Variants in SLC66A1 observed in about 807,000 individuals in gnomAD.
The protein encoded by SLC66A1 is lysosomal amino acid transporter 1 homolog.
Under a neutral mutation model 33.0 loss-of-function variants are expected in SLC66A1, and 23 were observed. The observed-to-expected ratio is 0.70, with a 90% CI of 0.50 to 0.99. The LOEUF is 0.99. Among genes scored for constraint, SLC66A1 ranks in the 50% least tolerant of loss-of-function variants. The pLI is 0.00. For missense variants in SLC66A1, 335 were observed against 383.6 expected, an observed-to-expected ratio of 0.87 and a Z score of 1.06; for synonymous variants, 164 against 175.5, an observed-to-expected ratio of 0.93 and a Z score of 0.52.
chr1:19,325,626 A>C (rs773860489), intron 4 of SLC66A1, 44 bp downstream of exon 4: 106 of 921,028 alleles, frequency 1.2e-4, no homozygotes, highest in Non-Finnish European at 1.6e-4. Context: ...TACCAGCAGC[A>C]GGGGGCAGTT....
chr1:19,333,114 G>A (rs572166951), downstream of SLC66A1, among the ~76,000 whole-genome samples: 1 of 152,356 alleles, frequency 6.6e-6, no homozygotes, highest in South Asian at 2.1e-4. The surrounding 1 kb of genome is among the most constrained non-coding windows in gnomAD (Gnocchi z 4.2). Flanking sequence ...CTCCAGCAAA[G>A]CAGAAGGGAT....
At chr1:19,320,791 T>C (rs2093832904) in intron 2 of SLC66A1, among the ~76,000 whole-genome samples, 2 of 146,312 alleles carry the variant, frequency 1.4e-5, no homozygotes, top group Admixed American at 1.3e-4. Flanking sequence ...TGGCTCACTG[T>C]AACCTCTGCC....
rs1028019237 is a variant in SLC66A1, at chr1:19,328,352, G to A, written c.805-220G>A. The stretch of plus-strand genomic sequence containing the variant: ...GAAGGAGAAGTCAGTGCTAGGCTTG[G>A]AGACAGATGGAGCTTGGCTAGGGCT... On this transcript the variant is annotated intron_variant, in intron 7 of 7. Transcript: ENST00000375153. This position sits in a 1 kb window ranked among gnomAD's most constrained non-coding sequence, Gnocchi z 4.7. Among the ~76,000 whole-genome samples, 3 of 152,174 alleles carry A rather than the reference G, an allele frequency of 2.0e-5. No individual in the cohort carries two copies. Among genetic ancestry groups the A allele is most frequent in the Non-Finnish European group, 4.4e-5 (3 of 68,036 alleles).
intron 3 of SLC66A1, 22 bp from the exon 4 acceptor site, chr1:19,325,473 G>C: frequency 6.4e-7 from 1 of 1,555,584 alleles, no homozygotes. Context: ...GCCAACCCCT[G>C]GGCCCCCTGC....
At position 19,317,653 on chromosome 1, in the gene SLC66A1, G is replaced by A; in HGVS notation, c.-25G>A. 1 of 1,612,384 alleles carries A rather than the reference G, an allele frequency of 6.2e-7. No individual in the cohort carries two copies. Among genetic ancestry groups the A allele is most frequent in the Non-Finnish European group, 8.5e-7 (1 of 1,178,912 alleles). On this transcript the variant is annotated 5_prime_UTR_variant, in exon 2 of 8. Coordinates refer to ENST00000375153, the MANE Select transcript of SLC66A1 (RefSeq NM_001040125.2). ...CCCTCCCTCCGGTGCAGCCCTGCCT[G>A]GCCGGGGGCCCCTCCTCCACAGCCA... is the stretch of plus-strand genomic sequence containing the variant.
chr1:19,332,904 C>T (rs1374757076), downstream of SLC66A1, among the ~76,000 whole-genome samples: 1 of 152,190 alleles, frequency 6.6e-6, no homozygotes, highest in Non-Finnish European at 1.5e-5. Context: ...TTAGGACGCC[C>T]ACATGGAGCA....
chr1:19,330,015 C>T (rs993671240), downstream of SLC66A1, among the ~76,000 whole-genome samples: 1 of 152,102 alleles, frequency 6.6e-6, no homozygotes, highest in African/African-American at 2.4e-5. Context: ...TAGCCCAGGC[C>T]GGAGTACAGT....
chr1:19,333,496 C>T (rs1483942983), downstream of SLC66A1, among the ~76,000 whole-genome samples: 2 of 152,160 alleles, frequency 1.3e-5, no homozygotes, highest in African/African-American at 2.4e-5. The surrounding 1 kb of genome is among the most constrained non-coding windows in gnomAD (Gnocchi z 4.2). Context: ...CATGGCCTTC[C>T]ATTCCTGAAG....
At position 19,325,572 on chromosome 1, in the gene SLC66A1, C is replaced by T. The variant is rs757503782; in HGVS notation, c.372C>T (p.Arg124=). 3 of 1,599,148 alleles carry T rather than the reference C, an allele frequency of 1.9e-6. No homozygotes were observed. Among genetic ancestry groups the T allele is most frequent in the South Asian group, 2.2e-5 (2 of 90,754 alleles). ...ACTTTTACTACAAGTTCAGGACGCG[C>T]CCCTCTCTGTGTGAGTATGGGGACC... ...TLYFYYKFRT[R]PSLLSAPINS... The change falls in exon 4 of 8, where the codon CGC becomes CGT. Residue 124 remains arginine (R), a synonymous_variant. Coordinates refer to ENST00000375153, the MANE Select transcript of SLC66A1 (RefSeq NM_001040125.2).
rs149705055 is a variant in SLC66A1, at chr1:19,325,799, G to A, written c.382+217G>A. On this transcript the variant is annotated intron_variant, in intron 4 of 7. Transcript: ENST00000375153. ...GAGCGCGTCCTGGCCCAGACCACAG[G>A]CCGGTTCCTCTCGCCCAGGGGCTCA... Among the ~76,000 whole-genome samples, 427 of 152,336 alleles carry A rather than the reference G, an allele frequency of 2.8e-3. 4 individuals are homozygous for A. Among genetic ancestry groups the A allele is most frequent in the African/African-American group, 9.9e-3 (410 of 41,566 alleles).
chr1:19,313,154 A>G (rs529649400), intron 1 of SLC66A1: 20 of 980,276 alleles, frequency 2.0e-5, no homozygotes, highest in Middle Eastern at 1.1e-3. Flanking sequence ...TTATTCCCCT[A>G]CTTTTCAGAT....
chr1:19,328,515 C>G lies in SLC66A1; in HGVS notation c.805-57C>G. ...GCAGCTCCCAGGAGTCGAAGGCCCC[C>G]AGGGGCAGGTCCAACCCAGTCTCTG... is the stretch of plus-strand genomic sequence containing the variant. On this transcript the variant is annotated intron_variant, in intron 7 of 7. Coordinates refer to ENST00000375153, the MANE Select transcript of SLC66A1 (RefSeq NM_001040125.2). The surrounding 1 kb of genome is among the most constrained non-coding windows in gnomAD (Gnocchi z 4.7). 6.5e-7 allele frequency: 1 copy of G among 1,531,512 alleles called. No homozygotes were observed. Among genetic ancestry groups the G allele is most frequent in the Non-Finnish European group, 8.9e-7 (1 of 1,120,110 alleles). 94.9% of individuals were successfully genotyped at this position (1,531,512 alleles called of 1,614,324 possible). A position where few individuals can be genotyped will look rare whatever the true frequency, so the allele number is the denominator to read the frequency against.
chr1:19,321,923 T>A (rs1346321747), intron 2 of SLC66A1, among the ~76,000 whole-genome samples: 1 of 152,206 alleles, frequency 6.6e-6, no homozygotes, highest in African/African-American at 2.4e-5. Flanking sequence ...CATTGATTTC[T>A]CTGGGCACCC....
rs563040833 is a variant in SLC66A1 at position 19,317,841 on chromosome 1, C to G, written c.164C>G (p.Pro55Arg). Residue 55 changes from proline to arginine, a missense_variant and splice_region_variant, in exon 2 of 8, where the codon CCC (proline) becomes CGC (arginine). Physicochemically the swap from Pro to Arg is moderately radical, Grantham distance 103. Transcript: ENST00000375153. ...CTCTGCTTTGCTGCATCTACCTTCC[C>G]GTGAGTAGTGTCTTGGTGGCAGGAC... ...SILCFAASTF[P>R]QFIKAYKTGN... is the part of the protein sequence containing the mutation. The G allele has an allele frequency of 6.2e-7, 1 of 1,612,870 alleles. No homozygotes were observed. Among genetic ancestry groups the G allele is most frequent in the East Asian group, 2.2e-5 (1 of 44,866 alleles).
intron 2 of SLC66A1, among the ~76,000 whole-genome samples, chr1:19,318,964 A>G (rs1324926920): frequency 2.0e-5 from 3 of 152,148 alleles, no homozygotes; most frequent in East Asian, 1.9e-4. Context: ...CTGCGTTTAT[A>G]TAGTGGACAG....
At chr1:19,323,443 G>T (rs1558150310) in intron 2 of SLC66A1, among the ~76,000 whole-genome samples, 2 of 152,112 alleles carry the variant, frequency 1.3e-5, no homozygotes, top group Non-Finnish European at 2.9e-5. Context: ...GTCTTGCTCT[G>T]TTGCCCAGGC....
chr1:19,332,694 C>T (rs2093895784), downstream of SLC66A1, among the ~76,000 whole-genome samples: 1 of 152,232 alleles, frequency 6.6e-6, no homozygotes, highest in African/African-American at 2.4e-5. Flanking sequence ...GGTGGGCAAA[C>T]ATGTTACCAA....
intron 2 of SLC66A1, among the ~76,000 whole-genome samples, 196 bp downstream of exon 2, chr1:19,318,037 G>C (rs1419101314): frequency 1.3e-5 from 2 of 152,202 alleles, no homozygotes; most frequent in East Asian, 3.8e-4. Context: ...CTGATACAGA[G>C]ATCATCACCT....
intron 1 of SLC66A1, among the ~76,000 whole-genome samples, chr1:19,315,820 A>G (rs1034537431): frequency 2.6e-5 from 4 of 152,032 alleles, no homozygotes; most frequent in Non-Finnish European, 1.5e-5. Flanking sequence ...GCAGGTGGCT[A>G]TGAGCAGGGG....
Sources: allele counts gnomAD v4.1 joint callset (sites outside exome capture counted in the v4.1 genomes callset), GRCh38; gene constraint gnomAD v4.1.1; non-coding constraint Gnocchi (gnomAD v3.1); transcripts MANE v1.5; gene names NCBI Gene and HGNC (gene_info 2026-07-23, HGNC 2026-07-21).